TMEM108: variants seen among roughly 807,000 people sequenced by gnomAD.
The protein encoded by TMEM108 is transmembrane protein 108.
A neutral mutation model predicts 35.1 loss-of-function variants in TMEM108; 12 were observed. The ratio of observed to expected loss-of-function variants is 0.34; its 90% CI spans 0.22 to 0.55. The LOEUF (loss-of-function observed/expected upper bound fraction) is 0.55, where lower values mean the gene tolerates loss of function less well. TMEM108 is among the 20% of genes least tolerant of loss of function. The pLI, the probability that TMEM108 is intolerant of heterozygous loss-of-function variation, is 0.89. For synonymous variants in TMEM108, 287 were observed against 308.6 expected (o/e 0.93, Z 0.73); for missense variants, 680 against 753.3 (o/e 0.90, Z 1.14).
chr3:133,178,110 T>A (rs1214760456), intron 2 of TMEM108, among the ~76,000 whole-genome samples: 9 of 152,178 alleles, frequency 5.9e-5, no homozygotes, highest in African/African-American at 2.2e-4. Flanking sequence ...TTCCAAGGGA[T>A]GTGAAGGACC....
At chr3:133,098,599 A>C (rs1208653919) in intron 2 of TMEM108, among the ~76,000 whole-genome samples, 1 of 152,220 alleles carries the variant, frequency 6.6e-6, no homozygotes, top group African/African-American at 2.4e-5. Flanking sequence ...TGTAAAATCA[A>C]AAGCAGGCTA....
chr3:133,257,857 T>A (rs1946569504), intron 3 of TMEM108, among the ~76,000 whole-genome samples: 1 of 152,194 alleles, frequency 6.6e-6, no homozygotes, highest in Non-Finnish European at 1.5e-5. Context: ...ACTTAGTGTA[T>A]AACACTGAGC....
At chr3:133,245,551 A>T (rs78842484) in intron 3 of TMEM108, among the ~76,000 whole-genome samples, 51 of 152,338 alleles carry the variant, frequency 3.3e-4, no homozygotes, top group African/African-American at 1.2e-3. Context: ...ACTTGAAATT[A>T]TACAATTTTT....
At chr3:133,291,234 A>C (rs1164716803) in intron 3 of TMEM108, among the ~76,000 whole-genome samples, 1 of 151,598 alleles carries the variant, frequency 6.6e-6, no homozygotes, top group East Asian at 1.9e-4. Context: ...AGAAGAAAAA[A>C]CAAGTTTAAA....
chr3:133,166,923 C>T (rs1433942170), intron 2 of TMEM108, among the ~76,000 whole-genome samples: 2 of 152,168 alleles, frequency 1.3e-5, no homozygotes, highest in Middle Eastern at 3.4e-3. Context: ...CTGATTGGTC[C>T]GTTTTACAGA....
chr3:133,392,140 CTTTTT>C (rs548497085), intron 5 of TMEM108, among the ~76,000 whole-genome samples: 1 of 140,754 alleles, frequency 7.1e-6, no homozygotes. Context: ...CACTTCTCTT[CTTTTT>C]TTTTTTTTTG....
chr3:133,193,586 G>A (rs192730579), intron 2 of TMEM108, among the ~76,000 whole-genome samples: 1 of 152,198 alleles, frequency 6.6e-6, no homozygotes, highest in African/African-American at 2.4e-5. Context: ...CCTATTTTAT[G>A]AGGCCTATGT....
At chr3:133,320,601 G>A (rs190892737) in intron 3 of TMEM108, among the ~76,000 whole-genome samples, 23 of 152,290 alleles carry the variant, frequency 1.5e-4, no homozygotes, top group South Asian at 6.2e-4. Flanking sequence ...ATATTTGGGG[G>A]AATAATCAAG....
chr3:133,225,976 A>G (rs376893363), intron 2 of TMEM108, among the ~76,000 whole-genome samples: 7 of 152,328 alleles, frequency 4.6e-5, no homozygotes, highest in East Asian at 1.9e-4. Context: ...TTGGGTTACA[A>G]CCTCGTTTTA....
At chr3:133,040,032 C>T (rs558399314) in intron 1 of TMEM108, among the ~76,000 whole-genome samples, 5 of 152,028 alleles carry the variant, frequency 3.3e-5, no homozygotes, top group African/African-American at 1.2e-4. Flanking sequence ...CAAATTTTGT[C>T]GGTTTTCTGA....
chr3:133,131,892 G>T (rs763414770), intron 2 of TMEM108, among the ~76,000 whole-genome samples: 42 of 152,196 alleles, frequency 2.8e-4, no homozygotes, highest in Non-Finnish European at 5.3e-4. Context: ...GATATATATA[G>T]AGAGAGTGAG....
At chr3:133,188,345 C>G (rs1945451629) in intron 2 of TMEM108, among the ~76,000 whole-genome samples, 1 of 151,642 alleles carries the variant, frequency 6.6e-6, no homozygotes, top group Non-Finnish European at 1.5e-5. Context: ...CTTCTTTTGT[C>G]CTCTCCCATC....
At chr3:133,292,462 G>T (rs578079166) in intron 3 of TMEM108, among the ~76,000 whole-genome samples, 1 of 152,252 alleles carries the variant, frequency 6.6e-6, no homozygotes, top group South Asian at 2.1e-4. Context: ...TCCTACCATT[G>T]TCTGCCTCTT....
chr3:133,380,623 A>G lies in TMEM108; in HGVS notation c.912A>G (p.Ser304=). The G allele has an allele frequency of 6.2e-7, 1 of 1,613,604 alleles. No homozygotes were observed. Among genetic ancestry groups the G allele is most frequent in the South Asian group, 1.1e-5 (1 of 91,000 alleles). The part of the protein sequence containing the change: ...QGGTPDATAA[S]GAPVSPQAAP... Reference sequence around the variant, plus strand: ...GGACACCAGATGCCACAGCAGCCTCAGGTGCCCCTGTCAGTCCACAAGCTG... The same window carrying G: ...GGACACCAGATGCCACAGCAGCCTCGGGTGCCCCTGTCAGTCCACAAGCTG... Residue 304 remains serine, a synonymous_variant, in exon 4 of 6, where the codon TCA becomes TCG. Coordinates refer to ENST00000321871, the MANE Select transcript of TMEM108 (RefSeq NM_023943.4). The surrounding 1 kb of genome is among the most constrained non-coding windows in gnomAD (Gnocchi z 5.3).
At chr3:133,217,440 ATTTG>A (rs1418824088) in intron 2 of TMEM108, among the ~76,000 whole-genome samples, 2 of 151,672 alleles carry the variant, frequency 1.3e-5, no homozygotes, top group African/African-American at 4.8e-5. Flanking sequence ...ATGTAATCTG[ATTTG>A]TTTATTTTTG....
At chr3:133,065,463 T>C (rs1943595517) in intron 2 of TMEM108, among the ~76,000 whole-genome samples, 2 of 152,176 alleles carry the variant, frequency 1.3e-5, no homozygotes, top group African/African-American at 4.8e-5. Context: ...TTTGATATTT[T>C]GTAGCTCTAG....
At chr3:133,055,962 A>G (rs1943460730) in intron 2 of TMEM108, among the ~76,000 whole-genome samples, 1 of 152,224 alleles carries the variant, frequency 6.6e-6, no homozygotes, top group Non-Finnish European at 1.5e-5. Flanking sequence ...TTAGAAAATC[A>G]TATTTTTACT....
chr3:133,143,148 T>C (rs1010612746), intron 2 of TMEM108, among the ~76,000 whole-genome samples: 1 of 152,200 alleles, frequency 6.6e-6, no homozygotes, highest in Non-Finnish European at 1.5e-5. Flanking sequence ...CTCTGGCCTC[T>C]GAAAAATCCA....
chr3:133,133,794 C>T (rs1054430589), intron 2 of TMEM108, among the ~76,000 whole-genome samples: 1 of 151,420 alleles, frequency 6.6e-6, no homozygotes, highest in Non-Finnish European at 1.5e-5. Flanking sequence ...AGGTTCACGC[C>T]ATTCTATCGC....
Sources: allele counts gnomAD v4.1 joint callset (sites outside exome capture counted in the v4.1 genomes callset), GRCh38; gene constraint gnomAD v4.1.1; non-coding constraint Gnocchi (gnomAD v3.1); transcripts MANE v1.5; gene names NCBI Gene and HGNC (gene_info 2026-07-23, HGNC 2026-07-21).